CCDC112: variants seen among roughly 807,000 people sequenced by gnomAD.
CCDC112 encodes coiled-coil domain containing 112.
CCDC112 carries 40 observed loss-of-function variants against 66.3 expected under a neutral mutation model. The ratio of observed to expected loss-of-function variants is 0.60; its 90% CI spans 0.47 to 0.79. The LOEUF (loss-of-function observed/expected upper bound fraction) is 0.79. Among genes scored for constraint, CCDC112 ranks in the 30% least tolerant of loss-of-function variants. The pLI is 0.00. For missense variants in CCDC112, 659 were observed against 603.8 expected, an observed-to-expected ratio of 1.09 and a Z score of -0.96; for synonymous variants, 214 against 197.2, an observed-to-expected ratio of 1.09 and a Z score of -0.71.
At chr5:115,283,123 A>AT (rs1287718331) in intron 2 of CCDC112, among the ~76,000 whole-genome samples, 1 of 152,224 alleles carries the variant, frequency 6.6e-6, no homozygotes, top group African/African-American at 2.4e-5. Flanking sequence ...AAAGAACTGT[A>AT]TTTTTTCAAA....
At chr5:115,283,258 C>T (rs546383120) in intron 2 of CCDC112, among the ~76,000 whole-genome samples, 1 of 151,996 alleles carries the variant, frequency 6.6e-6, no homozygotes, top group Non-Finnish European at 1.5e-5. Context: ...TACCCTTTGA[C>T]CAACATCTCC....
intron 1 of CCDC112, 115 bp downstream of exon 1, chr5:115,296,312 G>A (rs944159152): frequency 4.5e-6 from 6 of 1,347,896 alleles, no homozygotes; most frequent in African/African-American, 1.5e-5. Flanking sequence ...GCCAGGCCCC[G>A]AGCAGGGGAG....
chr5:115,289,832 C>A (rs1749847547), intron 1 of CCDC112, among the ~76,000 whole-genome samples: 1 of 152,128 alleles, frequency 6.6e-6, no homozygotes, highest in Admixed American at 6.5e-5. Context: ...CACAAGCACA[C>A]ACCATCAAGC....
At chr5:115,294,737 G>C (rs565489071) in intron 1 of CCDC112, among the ~76,000 whole-genome samples, 136 of 152,322 alleles carry the variant, frequency 8.9e-4, no homozygotes, top group Middle Eastern at 6.8e-3. Context: ...AAATATTCAA[G>C]TTCGGTGTTA....
intron 1 of CCDC112, 28 bp from the exon 2 acceptor site, chr5:115,284,936 A>G (rs762683188): frequency 4.4e-6 from 7 of 1,584,122 alleles, no homozygotes; most frequent in Non-Finnish European, 2.6e-6. Context: ...AAAACTTAAC[A>G]GTAATGAAAA....
At chr5:115,276,792 T>TA (rs1347126268) in intron 4 of CCDC112, among the ~76,000 whole-genome samples, 173 bp downstream of exon 4, 3 of 152,184 alleles carry the variant, frequency 2.0e-5, no homozygotes, top group African/African-American at 7.2e-5. Flanking sequence ...TACTAAATCC[T>TA]AACTGATAGA....
chr5:115,288,223 C>T (rs1324635546), intron 1 of CCDC112, among the ~76,000 whole-genome samples: 2 of 152,258 alleles, frequency 1.3e-5, no homozygotes, highest in South Asian at 4.2e-4. Flanking sequence ...TCAGGTGATC[C>T]GCCTGCCTTG....
At chr5:115,277,135 C>T (rs1749240866) in intron 3 of CCDC112, 81 bp from the exon 4 acceptor site, 3 of 770,716 alleles carry the variant, frequency 3.9e-6, no homozygotes, top group Non-Finnish European at 6.7e-6. Flanking sequence ...TAAGACTGAT[C>T]ACTGTTAGTA....
chr5:115,288,903 G>C, intron 1 of CCDC112: 1 of 447,984 alleles, frequency 2.2e-6, no homozygotes. Flanking sequence ...GCATTTACAA[G>C]ATAGTTGATA....
intron 6 of CCDC112, among the ~76,000 whole-genome samples, chr5:115,272,207 G>A (rs775380146): frequency 2.0e-5 from 3 of 152,138 alleles, no homozygotes; most frequent in African/African-American, 4.8e-5. Flanking sequence ...ACAGGTGTGA[G>A]CCACCGTGCC....
At chr5:115,287,698 T>C (rs951979674) in intron 1 of CCDC112, among the ~76,000 whole-genome samples, 8 of 139,922 alleles carry the variant, frequency 5.7e-5, no homozygotes, top group Non-Finnish European at 9.3e-5. Context: ...CCCCTTTCCT[T>C]TTTTTTTTTT....
At chr5:115,270,052 G>A (rs1297024280) in intron 7 of CCDC112, among the ~76,000 whole-genome samples, 1 of 151,978 alleles carries the variant, frequency 6.6e-6, no homozygotes, top group Non-Finnish European at 1.5e-5. Context: ...TTTAATAGGT[G>A]AGTTAATCCC....
chr5:115,275,965 T>C, intron 5 of CCDC112, 29 bp downstream of exon 5: 1 of 1,461,386 alleles, frequency 6.8e-7, no homozygotes, highest in Non-Finnish European at 9.5e-7. Flanking sequence ...AGGTCAATAA[T>C]TTTATATTAA....
intron 5 of CCDC112, 122 bp from the exon 6 acceptor site, chr5:115,275,728 T>A (rs2127056672): frequency 1.3e-6 from 1 of 783,530 alleles, no homozygotes; most frequent in East Asian, 2.8e-5. Context: ...TTAACATTTA[T>A]AAATTTAAGC....
intron 1 of CCDC112, among the ~76,000 whole-genome samples, chr5:115,291,923 A>G (rs560957886): frequency 6.6e-6 from 1 of 152,234 alleles, no homozygotes; most frequent in African/African-American, 2.4e-5. Context: ...GGTGCTTTCA[A>G]GACTTTTTGT....
Position 115,269,726 on chromosome 5 carries a change from T to G in CCDC112, c.1405A>C (p.Arg469=). ...KEDEKSQKQR[R]LAKLKEKVEN... is the part of the protein sequence containing the mutation. ...ACCTTTTCTTTTAATTTTGCCAGTC[T>G]TCTTTGTTTTTGTGACTTTTCATCT... The change falls in exon 8 of 10, where the codon AGA becomes CGA. Residue 469 remains arginine, a synonymous_variant. Coordinates refer to ENST00000379611, the MANE Select transcript of CCDC112 (RefSeq NM_001040440.3). The G allele has an allele frequency of 1.9e-6, 3 of 1,602,404 alleles. No individual in the cohort carries two copies. The highest frequency in any genetic ancestry group is 2.6e-6 in the Non-Finnish European group (3 of 1,174,928).
intron 1 of CCDC112, among the ~76,000 whole-genome samples, chr5:115,285,305 G>C (rs746824190): frequency 1.3e-5 from 2 of 152,068 alleles, no homozygotes; most frequent in Admixed American, 6.6e-5. Context: ...AGAGATAAGA[G>C]TAAACAAGCA....
chr5:115,283,846 G>A (rs1202864146), intron 2 of CCDC112, among the ~76,000 whole-genome samples: 1 of 152,012 alleles, frequency 6.6e-6, no homozygotes, highest in African/African-American at 2.4e-5. Context: ...TCAAAGCAAC[G>A]TTTTGATAAA....
chr5:115,295,035 G>C (rs971515027), intron 1 of CCDC112, among the ~76,000 whole-genome samples: 3 of 152,036 alleles, frequency 2.0e-5, no homozygotes, highest in Non-Finnish European at 4.4e-5. Flanking sequence ...GATGATTTTT[G>C]TTATGGGTGG....
Sources: gnomAD v4.1 joint callset for allele counts (sites outside exome capture counted in the v4.1 genomes callset) on GRCh38, gnomAD v4.1.1 for gene constraint, MANE v1.5 for transcripts, NCBI Gene and HGNC (gene_info 2026-07-23, HGNC 2026-07-21) for gene names.